The following HELLS variants were observed in gnomAD, a reference collection of about 807,000 sequenced individuals.
The protein encoded by HELLS is helicase, lymphoid specific.
A neutral mutation model predicts 120.0 loss-of-function variants in HELLS; 32 were observed. The observed-to-expected ratio is 0.27, with a 90% CI of 0.20 to 0.36. The LOEUF is 0.36. Among genes scored for constraint, HELLS ranks in the 10% least tolerant of loss-of-function variants. HELLS has a pLI of 1.00. For missense variants in HELLS, 650 were observed against 993.4 expected, an observed-to-expected ratio of 0.65 and a Z score of 4.65; for synonymous variants, 341 against 323.4, an observed-to-expected ratio of 1.05 and a Z score of -0.58.
chr10:94,562,642 A>T, intron 4 of HELLS, 49 bp from the exon 5 acceptor site: 1 of 1,277,436 alleles, frequency 7.8e-7, no homozygotes, highest in Non-Finnish European at 1.1e-6. Flanking sequence ...AACGTATAAT[A>T]CTATGAAGGT....
At chr10:94,611,890 A>G (rs1230884548) in exon 10 of HELLS, 1 of 152,208 alleles carries the variant, frequency 6.6e-6, no homozygotes, top group Non-Finnish European at 1.5e-5. Context: ...GGGTAAGGCA[A>G]CATAACATAA....
intron 2 of HELLS, chr10:94,551,007 A>C (rs1418238300): frequency 1.3e-5 from 2 of 152,330 alleles, no homozygotes; most frequent in East Asian, 3.9e-4. Flanking sequence ...TTAAGAATCC[A>C]TATATTGTGT....
chr10:94,574,220 G>A (rs781758290), intron 8 of HELLS, 33 bp downstream of exon 8: 14 of 1,385,368 alleles, frequency 1.0e-5, no homozygotes, highest in Non-Finnish European at 1.4e-5. Flanking sequence ...ACAAGATACT[G>A]GTTTTATTTC....
chr10:94,591,707 C>T (rs865975489), intron 15 of HELLS, among the ~76,000 whole-genome samples: 3 of 152,138 alleles, frequency 2.0e-5, no homozygotes, highest in Non-Finnish European at 4.4e-5. Context: ...AGAGGCACTG[C>T]TTTACATCTT....
At position 94,564,737 on chromosome 10, in the gene HELLS, C is replaced by G. The variant is rs530435746; in HGVS notation, c.435+1861C>G. ...TCAAGCGATTCTTATGTCTCAGCTT[C>G]TGAGAAGCTGGGATTACAGGTACCT... On this transcript the variant is annotated intron_variant, in intron 6 of 21. Coordinates refer to ENST00000348459, the MANE Select transcript of HELLS (RefSeq NM_018063.5). Among the ~76,000 whole-genome samples the G allele has an allele frequency of 3.3e-5, 5 of 152,128 alleles. No individual in the cohort carries two copies. In the South Asian group the frequency reaches 8.3e-4, roughly 25 times the overall value.
chr10:94,548,840 A>G (rs886852059), intron 2 of HELLS, among the ~76,000 whole-genome samples: 5 of 152,114 alleles, frequency 3.3e-5, no homozygotes. Flanking sequence ...CTAAAAATAT[A>G]AAAATTAGCC....
At chr10:94,607,234 C>G (rs1846139028) in intron 8 of HELLS, among the ~76,000 whole-genome samples, 4 of 152,098 alleles carry the variant, frequency 2.6e-5, no homozygotes, top group Admixed American at 2.6e-4. Context: ...TCAACCACTT[C>G]TGGGTTTTTT....
At chr10:94,580,751 C>A (rs951078366) in intron 10 of HELLS, among the ~76,000 whole-genome samples, 1 of 151,918 alleles carries the variant, frequency 6.6e-6, no homozygotes, top group African/African-American at 2.4e-5. Context: ...TCCAGAAATA[C>A]TTCATATTTC....
intron 7 of HELLS, among the ~76,000 whole-genome samples, chr10:94,573,168 C>G (rs1380073882): frequency 6.6e-6 from 1 of 152,060 alleles, no homozygotes; most frequent in African/African-American, 2.4e-5. Context: ...CCATTTTGGC[C>G]AGGATGGTTT....
At chr10:94,568,335 A>G (rs572565684) in intron 6 of HELLS, among the ~76,000 whole-genome samples, 25 of 152,096 alleles carry the variant, frequency 1.6e-4, no homozygotes, top group Admixed American at 3.9e-4. Flanking sequence ...AAAGCAAACA[A>G]TTTATCTTTT....
In HELLS at chr10:94,590,469, A is replaced by C. The variant is rs1177935838; in HGVS notation, c.1545A>C (p.Ser515=). 6.2e-7 allele frequency: 1 copy of C among 1,612,742 alleles called. No homozygotes were observed. The highest frequency in any genetic ancestry group is 1.7e-5 in the Admixed American group (1 of 59,652). ...TGRPKRRTRK[S]INYSKIDDFP... ...GACCAAAACGACGAACTAGAAAATC[A>C]ATAAATTACAGCAAAATAGATGATT... Residue 515 remains serine, a synonymous_variant, in exon 14 of 22, where the codon TCA becomes TCC. Coordinates refer to ENST00000348459, the MANE Select transcript of HELLS (RefSeq NM_018063.5).
chr10:94,554,255 A>G lies in HELLS; in HGVS notation c.276+7A>G, dbSNP rs1192047643. Reference sequence around the variant, plus strand: ...GGAACAGCAACAATTAGAGGTATGTATATGTAACTGACTACAAGTGAAAGC... The same window carrying G: ...GGAACAGCAACAATTAGAGGTATGTGTATGTAACTGACTACAAGTGAAAGC... On this transcript the variant is annotated splice_region_variant and intron_variant, in intron 3 of 21. Transcript: ENST00000348459. The G allele has an allele frequency of 2.6e-6, 4 of 1,538,940 alleles. No homozygotes were observed. The highest frequency in any genetic ancestry group is 2.8e-5 in the African/African-American group (2 of 70,474).
At chr10:94,559,801 A>G (rs2134011843) in intron 4 of HELLS, among the ~76,000 whole-genome samples, 1 of 152,292 alleles carries the variant, frequency 6.6e-6, no homozygotes, top group Non-Finnish European at 1.5e-5. Flanking sequence ...TTAAAAACAG[A>G]AACACAAATA....
intron 6 of HELLS, among the ~76,000 whole-genome samples, chr10:94,564,865 G>A (rs531024731): frequency 1.3e-5 from 2 of 151,736 alleles, no homozygotes; most frequent in African/African-American, 4.8e-5. Flanking sequence ...AAAGTGCTGC[G>A]ATTACAGGCA....
exon 10 of HELLS, chr10:94,612,492 A>G (rs1411575721): frequency 2.0e-5 from 3 of 152,196 alleles, no homozygotes; most frequent in Non-Finnish European, 4.4e-5. Context: ...GTTTTACAGA[A>G]GCTATATAAT....
At chr10:94,567,671 C>T (rs1843890706) in intron 6 of HELLS, among the ~76,000 whole-genome samples, 1 of 152,046 alleles carries the variant, frequency 6.6e-6, no homozygotes, top group Non-Finnish European at 1.5e-5. Flanking sequence ...TTTGGGAGGC[C>T]AGGGTGAGAG....
At chr10:94,590,847 T>C in intron 15 of HELLS, 71 bp downstream of exon 15, 1 of 842,362 alleles carries the variant, frequency 1.2e-6, no homozygotes, top group Non-Finnish European at 1.8e-6. Context: ...AGTGTTACTT[T>C]TTTTGATTAT....
chr10:94,555,689 C>T (rs1048715456), intron 3 of HELLS, among the ~76,000 whole-genome samples: 3 of 152,120 alleles, frequency 2.0e-5, no homozygotes, highest in Non-Finnish European at 2.9e-5. Flanking sequence ...GTGTGCAGTG[C>T]ACCATCTCAG....
At chr10:94,568,881 G>T (rs1843977520) in intron 6 of HELLS, among the ~76,000 whole-genome samples, 1 of 147,570 alleles carries the variant, frequency 6.8e-6, no homozygotes, top group Admixed American at 6.8e-5. Flanking sequence ...CACTCTTGTT[G>T]CCCAGGCTGG....
Sources: allele counts gnomAD v4.1 joint callset (sites outside exome capture counted in the v4.1 genomes callset), GRCh38; gene constraint gnomAD v4.1.1; transcripts MANE v1.5; gene names NCBI Gene and HGNC (gene_info 2026-07-23, HGNC 2026-07-21).